The following PANK4 variants were observed in gnomAD, a reference collection of about 807,000 sequenced individuals.
PANK4 encodes the protein 4'-phosphopantetheine phosphatase.
In PANK4, 40 loss-of-function variants were observed where a neutral mutation model predicts 87.9. The observed-to-expected ratio is 0.46, with a 90% CI of 0.35 to 0.59. The LOEUF is 0.59. Ranked by LOEUF, PANK4 falls within the 20% of genes least tolerant of loss-of-function variation. The pLI, the probability that PANK4 is intolerant of heterozygous loss-of-function variation, is 0.00. For synonymous variants in PANK4, 524 were observed against 467.4 expected, an observed-to-expected ratio of 1.12 and a Z score of -1.56; for missense variants, 926 against 1,072.3, an observed-to-expected ratio of 0.86 and a Z score of 1.90.
At chr1:2,522,355 C>CA (rs1358612512) in intron 1 of PANK4, among the ~76,000 whole-genome samples, 1 of 152,190 alleles carries the variant, frequency 6.6e-6, no homozygotes, top group Non-Finnish European at 1.5e-5. Context: ...AATGCAGCCC[C>CA]AGCCCCAAAA....
chr1:2,513,891 A>G, intron 12 of PANK4, 111 bp downstream of exon 12: 1 of 820,218 alleles, frequency 1.2e-6, no homozygotes, highest in Non-Finnish European at 2.2e-6. Context: ...CCAAACCTGC[A>G]TGGCCTCAGA....
chr1:2,518,460 GC>G (rs1643824564), intron 8 of PANK4, 55 bp downstream of exon 8: 1 of 1,441,986 alleles, frequency 6.9e-7, no homozygotes, highest in Admixed American at 2.0e-5. Flanking sequence ...TGGAGCACAG[GC>G]CCAGGCCACA....
Position 2,509,699 on chromosome 1 carries a change from G to T in PANK4, c.2108+163C>A. ...TCACCCTCCCCAGGCCACCTTCGGG[G>T]ATGGCATATCTGTCCCCTCCTGAGA... On this transcript the variant is annotated intron_variant, in intron 18 of 18. Transcript: ENST00000378466. The surrounding 1 kb of genome is among the most constrained non-coding windows in gnomAD (Gnocchi z 4.9). 1.5e-6 allele frequency: 1 copy of T among 651,648 alleles called. No individual in the cohort carries two copies. The highest frequency in any genetic ancestry group is 2.8e-6 in the Non-Finnish European group (1 of 361,974). The allele number at this position is 651,648 out of a possible 1,614,324, so 40.4% of individuals were successfully genotyped here.
At chr1:2,521,371 C>A in intron 2 of PANK4, 56 bp from the exon 3 acceptor site, 4 of 1,333,236 alleles carry the variant, frequency 3.0e-6, no homozygotes, top group East Asian at 2.3e-5. Flanking sequence ...CCGGGCTGGG[C>A]TGTGCGCACC....
rs554786779 is a variant in PANK4, at chr1:2,508,777, A to G, written c.*70T>C. On this transcript the variant is annotated 3_prime_UTR_variant, in exon 19 of 19. Coordinates refer to ENST00000378466, the MANE Select transcript of PANK4 (RefSeq NM_018216.4). The surrounding 1 kb of genome is among the most constrained non-coding windows in gnomAD (Gnocchi z 5.1). ...CATATAAATACGTTGATTTGAACGC[A>G]GTTTCCCTGTGGTGGTAAAAACACA... The G allele has an allele frequency of 1.5e-5, 14 of 921,296 alleles. No individual in the cohort carries two copies. Among genetic ancestry groups the G allele is most frequent in the Non-Finnish European group, 2.2e-5 (13 of 578,472 alleles). 57.1% of individuals were successfully genotyped at this position (921,296 alleles called of 1,614,324 possible).
In PANK4 at chr1:2,510,169, G is replaced by C; in HGVS notation, c.1939-12C>G. On this transcript the variant is annotated splice_polypyrimidine_tract_variant and intron_variant, in intron 16 of 18. Coordinates refer to ENST00000378466, the MANE Select transcript of PANK4 (RefSeq NM_018216.4). The surrounding 1 kb of genome is among the most constrained non-coding windows in gnomAD (Gnocchi z 4.9). ...CACGCCAGGATGACCTGCAGGAGGA[G>C]GGCCCAGGCTCTTTAGGAACCTGTG... 6.4e-7 allele frequency: 1 copy of C among 1,555,468 alleles called. No homozygotes were observed. The highest frequency in any genetic ancestry group is 8.8e-7 in the Non-Finnish European group (1 of 1,136,682).
rs188728998 is a variant in PANK4, at chr1:2,512,805, C to T, written c.1727+83G>A. 63 of 1,436,264 alleles carry T rather than the reference C, an allele frequency of 4.4e-5. No homozygotes were observed. In the African/African-American group the frequency reaches 6.3e-4, roughly 14 times the overall value. The allele number at this position is 1,436,264 out of a possible 1,614,324, so 89.0% of individuals were successfully genotyped here. ...AGCGCCACGTGACCCCCAAGGGACCCGCTCCACCTCCTTGCCCGCAAGCCT... is the reference window on the plus strand; with the variant it reads ...AGCGCCACGTGACCCCCAAGGGACCTGCTCCACCTCCTTGCCCGCAAGCCT... On this transcript the variant is annotated intron_variant, in intron 13 of 18. Transcript: ENST00000378466.
rs1005688979 is a variant in PANK4, at chr1:2,515,369, G to C, written c.1374+193C>G. 2 of 708,304 alleles carry C rather than the reference G, an allele frequency of 2.8e-6. No individual in the cohort carries two copies. The highest frequency in any genetic ancestry group is 5.1e-6 in the Non-Finnish European group (2 of 390,780). The allele number at this position is 708,304 out of a possible 1,614,324, so 43.9% of individuals were successfully genotyped here. On this transcript the variant is annotated intron_variant, in intron 10 of 18. Transcript: ENST00000378466. This position sits in a 1 kb window ranked among gnomAD's most constrained non-coding sequence, Gnocchi z 5.0. ...GCCTCGCAGACGCCACGTCCTCACT[G>C]ACCCACCAGGTGGCCAGGAGCGGTA... is the stretch of plus-strand genomic sequence containing the variant.
intron 13 of PANK4, chr1:2,512,589 A>C: frequency 2.3e-6 from 1 of 432,976 alleles, no homozygotes; most frequent in Non-Finnish European, 4.1e-6. Context: ...ATGAATTTGG[A>C]TTCTGACAAT....
At chr1:2,522,254 C>T (rs2100794918) in intron 1 of PANK4, among the ~76,000 whole-genome samples, 1 of 152,352 alleles carries the variant, frequency 6.6e-6, no homozygotes, top group East Asian at 1.9e-4. Flanking sequence ...GCTCTCCTCA[C>T]AGCCCAGGGC....
At chr1:2,523,237 C>T (rs757329798) in intron 1 of PANK4, among the ~76,000 whole-genome samples, 1 of 152,202 alleles carries the variant, frequency 6.6e-6, no homozygotes, top group Non-Finnish European at 1.5e-5. Flanking sequence ...AGGGCACCTC[C>T]TGCCTGGTGG....
In PANK4 at chr1:2,520,654, G is replaced by T; in HGVS notation, c.606+69C>A. On this transcript the variant is annotated intron_variant, in intron 4 of 18. Transcript: ENST00000378466. This position sits in a 1 kb window ranked among gnomAD's most constrained non-coding sequence, Gnocchi z 6.2. ...ATCCATGTGCCCAGCCCTGGCTCCT[G>T]CACACAGCGAGGGCTTAACAAACTA... The T allele has an allele frequency of 6.8e-7, 1 of 1,461,798 alleles. No homozygotes were observed. The highest frequency in any genetic ancestry group is 9.5e-7 in the Non-Finnish European group (1 of 1,056,152). 90.6% of individuals were successfully genotyped at this position (1,461,798 alleles called of 1,614,324 possible).
At position 2,511,637 on chromosome 1, in the gene PANK4, T is replaced by A; in HGVS notation, c.1774A>T (p.Lys592Ter). The change falls in exon 14 of 19, where the codon AAG (lysine) becomes TAG (stop). Residue 592 changes from lysine (K) to a stop codon, truncating the protein, a stop_gained. Transcript: ENST00000378466. LOFTEE classifies it high-confidence loss of function. ...ACTTGGCCATCCGTACCTTGTAACTTCCTCTTTGCTTCTTCAAACCCAAAG... is the reference window on the plus strand; with the variant it reads ...ACTTGGCCATCCGTACCTTGTAACTACCTCTTTGCTTCTTCAAACCCAAAG... The part of the protein sequence containing the change: ...PYFGFEEAKR[K>*]LQERPWLVDS... 1 of 1,608,558 alleles carries A rather than the reference T, an allele frequency of 6.2e-7. No individual in the cohort carries two copies.
chr1:2,518,495 G>T, intron 8 of PANK4, 21 bp downstream of exon 8: 1 of 1,547,466 alleles, frequency 6.5e-7, no homozygotes, highest in South Asian at 1.2e-5. Flanking sequence ...GCTGCTCAGG[G>T]GCGCCAGCAC....
In PANK4 at chr1:2,515,387, G is replaced by A. The variant is rs928819557; in HGVS notation, c.1374+175C>T. 6.9e-6 allele frequency: 5 copies of A among 727,298 alleles called. No individual in the cohort carries two copies. The African/African-American group carries it at 6.9e-5, about 10-fold the overall frequency. 45.1% of individuals were successfully genotyped at this position (727,298 alleles called of 1,614,324 possible). On this transcript the variant is annotated intron_variant, in intron 10 of 18. Coordinates refer to ENST00000378466, the MANE Select transcript of PANK4 (RefSeq NM_018216.4). This position sits in a 1 kb window ranked among gnomAD's most constrained non-coding sequence, Gnocchi z 5.0. Reference sequence around the variant, plus strand: ...CCTCACTGACCCACCAGGTGGCCAGGAGCGGTATTTTTGCCTGAGAAACCA... The same window carrying A: ...CCTCACTGACCCACCAGGTGGCCAGAAGCGGTATTTTTGCCTGAGAAACCA...
intron 10 of PANK4, among the ~76,000 whole-genome samples, chr1:2,514,853 G>A (rs1643738508): frequency 6.6e-6 from 1 of 152,098 alleles, no homozygotes; most frequent in Non-Finnish European, 1.5e-5. Flanking sequence ...AGGAGCAGGA[G>A]TGACCTTGGT....
intron 12 of PANK4, among the ~76,000 whole-genome samples, chr1:2,513,595 G>C (rs985501339): frequency 1.3e-5 from 2 of 152,234 alleles, no homozygotes; most frequent in African/African-American, 2.4e-5. Context: ...TCCTAGGAGG[G>C]AGCCAGGGTG....
At chr1:2,524,254 G>C (rs1264806997) in intron 1 of PANK4, among the ~76,000 whole-genome samples, 4 of 152,120 alleles carry the variant, frequency 2.6e-5, no homozygotes, top group East Asian at 1.9e-4. Context: ...CAGCTTGCCA[G>C]AACACAGGGC....
Position 2,521,271 on chromosome 1 carries a change from T to C in PANK4, c.252A>G (p.Gln84=), listed in dbSNP as rs755139638. Residue 84 remains glutamine, a synonymous_variant, in exon 3 of 19, where the codon CAA becomes CAG. Transcript: ENST00000378466. ...EHEPPYEISV[Q]EEITARLHFI... ...AGTGCAGTCGAGCAGTGATCTCTTC[T>C]TGAACTGAAATCTCATAGGGCGGCT... 5.8e-5 allele frequency: 93 copies of C among 1,613,858 alleles called. No homozygotes were observed. The highest frequency in any genetic ancestry group is 7.5e-5 in the Non-Finnish European group (88 of 1,180,020).
Sources: gnomAD v4.1 joint callset for allele counts (sites outside exome capture counted in the v4.1 genomes callset) on GRCh38, gnomAD v4.1.1 for gene constraint, Gnocchi (gnomAD v3.1) non-coding constraint, MANE v1.5 for transcripts, NCBI Gene and HGNC (gene_info 2026-07-23, HGNC 2026-07-21) for gene names.